FILIP1L: variants seen among roughly 807,000 people sequenced by gnomAD.
FILIP1L encodes filamin A-interacting protein 1-like.
A neutral mutation model predicts 96.6 loss-of-function variants in FILIP1L; 55 were observed. The ratio of observed to expected loss-of-function variants is 0.57; its 90% confidence interval spans 0.46 to 0.71. FILIP1L has a LOEUF of 0.71. Among genes scored for constraint, FILIP1L ranks in the 30% least tolerant of loss-of-function variants. FILIP1L has a pLI of 0.00. For missense variants in FILIP1L, 1,304 were observed against 1,321.2 expected (o/e 0.99, Z 0.20); for synonymous variants, 467 against 473.9 (o/e 0.99, Z 0.19).
chr3:99,896,868 T>A (rs917933557), intron 4 of FILIP1L, among the ~76,000 whole-genome samples: 4 of 152,188 alleles, frequency 2.6e-5, no homozygotes, highest in Non-Finnish European at 4.4e-5. Context: ...ATAATTTTCA[T>A]AACAAATCAG....
At chr3:99,947,441 C>T (rs1708045391) in intron 1 of FILIP1L, among the ~76,000 whole-genome samples, 1 of 152,104 alleles carries the variant, frequency 6.6e-6, no homozygotes, top group South Asian at 2.1e-4. Context: ...TTTAGTTAAC[C>T]ACTCTCCAGT....
At chr3:100,059,741 C>G (rs1483093691) in intron 1 of FILIP1L, among the ~76,000 whole-genome samples, 1 of 152,172 alleles carries the variant, frequency 6.6e-6, no homozygotes, top group African/African-American at 2.4e-5. Flanking sequence ...TCCATATGTG[C>G]CGGCCTAGAA....
chr3:99,879,925 A>G (rs964234916), intron 4 of FILIP1L, among the ~76,000 whole-genome samples: 3 of 152,130 alleles, frequency 2.0e-5, no homozygotes, highest in Admixed American at 6.5e-5. Flanking sequence ...GCTTCAGACT[A>G]CAGTTGGATT....
intron 1 of FILIP1L, among the ~76,000 whole-genome samples, chr3:100,004,495 A>G (rs1709933359): frequency 6.6e-6 from 1 of 152,204 alleles, no homozygotes; most frequent in Admixed American, 6.5e-5. Context: ...AGTGGTGGAG[A>G]AAAAGGATTA....
At chr3:100,021,273 T>G (rs1189072016) in intron 1 of FILIP1L, among the ~76,000 whole-genome samples, 2 of 152,208 alleles carry the variant, frequency 1.3e-5, no homozygotes, top group Non-Finnish European at 2.9e-5. Flanking sequence ...TCCTTATATA[T>G]AATAAGTTCA....
At chr3:99,995,409 C>G (rs1014582959) in intron 1 of FILIP1L, among the ~76,000 whole-genome samples, 2 of 152,182 alleles carry the variant, frequency 1.3e-5, no homozygotes, top group Admixed American at 1.3e-4. Context: ...TACAGCCTCC[C>G]TCCCAGCTGC....
chr3:99,986,635 T>C (rs775858706), intron 1 of FILIP1L, among the ~76,000 whole-genome samples: 1 of 151,986 alleles, frequency 6.6e-6, no homozygotes, highest in Non-Finnish European at 1.5e-5. Context: ...ATTGAAGAAA[T>C]TGATGAAGAT....
intron 1 of FILIP1L, among the ~76,000 whole-genome samples, chr3:100,014,891 CTTTCTTTTTTTT>C (rs1353392541): frequency 1.1e-4 from 3 of 27,228 alleles, no homozygotes; most frequent in Admixed American, 4.7e-4. Flanking sequence ...TTTTTTCTTT[CTTTCTTTTTTTT>C]TTTTTTTTTT....
At chr3:99,861,460 T>C (rs924582569) in intron 4 of FILIP1L, among the ~76,000 whole-genome samples, 4 of 152,198 alleles carry the variant, frequency 2.6e-5, no homozygotes, top group South Asian at 2.1e-4. Flanking sequence ...ACACCTAGCA[T>C]TGTGATGGTG....
chr3:100,010,290 GA>G (rs1559724060), intron 1 of FILIP1L: 1 of 206,924 alleles, frequency 4.8e-6, no homozygotes, highest in African/African-American at 2.4e-5. Context: ...GTTCTGCATG[GA>G]AGGAAAAAAA....
chr3:100,024,572 CA>C (rs1406947563), intron 1 of FILIP1L, among the ~76,000 whole-genome samples: 1 of 152,144 alleles, frequency 6.6e-6, no homozygotes, highest in Non-Finnish European at 1.5e-5. Flanking sequence ...CAGTTTACAT[CA>C]TATTAAATTA....
At chr3:99,974,662 A>G (rs1383363128) in intron 1 of FILIP1L, among the ~76,000 whole-genome samples, 1 of 152,142 alleles carries the variant, frequency 6.6e-6, no homozygotes, top group Non-Finnish European at 1.5e-5. Flanking sequence ...AGCCAAGGTC[A>G]TGCCATTGCA....
chr3:100,102,276 G>T (rs2107459627), intron 1 of FILIP1L, among the ~76,000 whole-genome samples: 1 of 152,210 alleles, frequency 6.6e-6, no homozygotes, highest in South Asian at 2.1e-4. Context: ...ATCCTCTCCA[G>T]CACCTGTTGT....
chr3:100,043,530 C>G (rs1034464635), intron 1 of FILIP1L, among the ~76,000 whole-genome samples: 18 of 152,112 alleles, frequency 1.2e-4, no homozygotes, highest in African/African-American at 4.1e-4. Context: ...GAGACAGGCT[C>G]CACCCCATCC....
intron 4 of FILIP1L, among the ~76,000 whole-genome samples, chr3:99,872,977 T>G (rs187745306): frequency 1.8e-4 from 27 of 152,224 alleles, no homozygotes; most frequent in African/African-American, 5.3e-4. Context: ...GGTGATAATC[T>G]GCTAGGAATT....
intron 4 of FILIP1L, among the ~76,000 whole-genome samples, chr3:99,922,456 G>GA (rs1707155230): frequency 6.6e-6 from 1 of 152,056 alleles, no homozygotes; most frequent in Non-Finnish European, 1.5e-5. Flanking sequence ...GCCGTGTAGT[G>GA]AAAAATAAAC....
intron 1 of FILIP1L, among the ~76,000 whole-genome samples, chr3:100,093,623 A>G (rs895154726): frequency 6.6e-6 from 1 of 152,180 alleles, no homozygotes; most frequent in African/African-American, 2.4e-5. Flanking sequence ...CAGTATATTT[A>G]CATTGATACA....
chr3:99,992,009 T>TGTGTATATATATATATAC (rs1225123413), intron 1 of FILIP1L, among the ~76,000 whole-genome samples: 1 of 150,486 alleles, frequency 6.6e-6, no homozygotes, highest in Non-Finnish European at 1.5e-5. Flanking sequence ...TATATGTGTG[T>TGTGTATATATATATATAC]GTGTATATAT....
rs755330466 is a variant in FILIP1L, at chr3:99,848,399, G to C, written c.3277C>G (p.Gln1093Glu). Reference protein sequence around the residue: ...PSAPLQDNRTQGLINGALNKT... With the variant: ...PSAPLQDNRTEGLINGALNKT... ...TTTAGTGCCCCGTTAATTAAGCCTTGAGTTCGGTTATCCTGCAGTGGTGCT... is the reference window on the plus strand; with the variant it reads ...TTTAGTGCCCCGTTAATTAAGCCTTCAGTTCGGTTATCCTGCAGTGGTGCT... The change falls in exon 5 of 6, where the codon CAA becomes GAA. Residue 1093 changes from glutamine to glutamate, a missense_variant. Transcript: ENST00000477258. The C allele has an allele frequency of 1.2e-6, 2 of 1,614,156 alleles. No individual in the cohort carries two copies. Among genetic ancestry groups the C allele is most frequent in the South Asian group, 2.2e-5 (2 of 91,082 alleles).
Sources: gnomAD v4.1 joint callset for allele counts (sites outside exome capture counted in the v4.1 genomes callset) on GRCh38, gnomAD v4.1.1 for gene constraint, MANE v1.5 for transcripts, NCBI Gene and HGNC (gene_info 2026-07-23, HGNC 2026-07-21) for gene names.